Variants in RAB11FIP4 observed in about 807,000 individuals in gnomAD.
RAB11FIP4 encodes the protein rab11 family-interacting protein 4.
In RAB11FIP4, 23 loss-of-function variants were observed where a neutral mutation model predicts 74.3. That is an observed-to-expected ratio of 0.31 (90% CI 0.22 to 0.44). The LOEUF is 0.44. RAB11FIP4 is among the 20% of genes least tolerant of loss of function. The pLI is 1.00. For synonymous variants in RAB11FIP4, 360 were observed against 359.9 expected, an observed-to-expected ratio of 1.00 and a Z score of 0.00; for missense variants, 630 against 863.9, an observed-to-expected ratio of 0.73 and a Z score of 3.39.
intron 3 of RAB11FIP4, among the ~76,000 whole-genome samples, chr17:31,513,403 G>A (rs2142797469): frequency 6.6e-6 from 1 of 152,356 alleles, no homozygotes; most frequent in East Asian, 1.9e-4. Flanking sequence ...GGCTCAAGGA[G>A]AGAGAAGAGG....
At chr17:31,406,243 T>C (rs1263595374) in intron 1 of RAB11FIP4, among the ~76,000 whole-genome samples, 1 of 152,222 alleles carries the variant, frequency 6.6e-6, no homozygotes, top group Non-Finnish European at 1.5e-5. Flanking sequence ...CCTCCCTCAG[T>C]ACCACTGACT....
intron 3 of RAB11FIP4, among the ~76,000 whole-genome samples, chr17:31,513,550 G>A (rs2072491662): frequency 6.6e-6 from 1 of 152,146 alleles, no homozygotes; most frequent in Non-Finnish European, 1.5e-5. Context: ...GAGGAGCAAG[G>A]GTGACCATGG....
chr17:31,504,511 G>T (rs1172959434), intron 3 of RAB11FIP4, among the ~76,000 whole-genome samples: 1 of 152,070 alleles, frequency 6.6e-6, no homozygotes, highest in African/African-American at 2.4e-5. Context: ...CATGATAAGC[G>T]CTCGCCTCGG....
Position 31,517,788 on chromosome 17 carries a change from C to A in RAB11FIP4, c.474C>A (p.Pro158=), listed in dbSNP as rs758842059. 5.1e-6 allele frequency: 8 copies of A among 1,558,592 alleles called. No homozygotes were observed. The highest frequency in any genetic ancestry group is 7.0e-6 in the Non-Finnish European group (8 of 1,150,622). The change falls in exon 4 of 15, where the codon CCC becomes CCA. Residue 158 remains proline, a synonymous_variant. Transcript: ENST00000621161. ...EGPQELYTDS[P]MESTQSLEGS... ...CCCAGGAGTTGTACACAGACAGCCC[C>A]ATGGAGAGCACTCAGAGCCTGGAGG...
intron 3 of RAB11FIP4, among the ~76,000 whole-genome samples, chr17:31,506,262 T>G (rs1445333084): frequency 6.6e-6 from 1 of 152,242 alleles, no homozygotes; most frequent in Admixed American, 6.5e-5. Context: ...CTTTAAGTTT[T>G]TAATTGACAT....
At chr17:31,494,349 C>T (rs2072072856) in intron 3 of RAB11FIP4, among the ~76,000 whole-genome samples, 1 of 151,952 alleles carries the variant, frequency 6.6e-6, no homozygotes, top group Non-Finnish European at 1.5e-5. Context: ...GAGGCTAGTA[C>T]CTCCCTCACA....
chr17:31,440,635 G>A (rs1333547888), intron 3 of RAB11FIP4, among the ~76,000 whole-genome samples: 2 of 152,120 alleles, frequency 1.3e-5, no homozygotes, highest in Non-Finnish European at 2.9e-5. Context: ...CAGGCATGGT[G>A]GCACATGTCT....
chr17:31,403,502 T>C lies in RAB11FIP4; in HGVS notation c.159+11491T>C, dbSNP rs935082516. 2.6e-5 allele frequency among the ~76,000 whole-genome samples: 4 copies of C among 152,028 alleles called. No individual in the cohort carries two copies. The East Asian group carries it at 7.7e-4, about 29-fold the overall frequency. ...CACACCCAGCTAATTTTTTGTATTT[T>C]TAGTAGAAACGGGGTTTCACCATGT... On this transcript the variant is annotated intron_variant, in intron 1 of 14. Transcript: ENST00000621161.
intron 4 of RAB11FIP4, among the ~76,000 whole-genome samples, chr17:31,520,427 AG>A (rs1435905429): frequency 2.6e-5 from 4 of 152,338 alleles, no homozygotes; most frequent in South Asian, 2.1e-4. Context: ...TTAAAGTGAA[AG>A]CAAGTTTATT....
intron 1 of RAB11FIP4, among the ~76,000 whole-genome samples, chr17:31,420,271 C>G (rs183681035): frequency 6.6e-6 from 1 of 152,240 alleles, no homozygotes; most frequent in East Asian, 1.9e-4. Flanking sequence ...CACTCTGTCA[C>G]CCAGGCTAGA....
intron 13 of RAB11FIP4, among the ~76,000 whole-genome samples, chr17:31,529,659 T>C (rs2072832179): frequency 6.6e-6 from 1 of 152,076 alleles, no homozygotes; most frequent in Non-Finnish European, 1.5e-5. Flanking sequence ...TGGTGCTGGG[T>C]GAAGTGTCAG....
At chr17:31,527,633 T>C (rs2072789965) in intron 10 of RAB11FIP4, 2 of 55,050 alleles carry the variant, frequency 3.6e-5, no homozygotes, top group Non-Finnish European at 5.8e-5. Context: ...AATTTACTAT[T>C]TTGCTTACAA....
chr17:31,510,744 C>T (rs2072437327), intron 3 of RAB11FIP4, among the ~76,000 whole-genome samples: 1 of 152,152 alleles, frequency 6.6e-6, no homozygotes, highest in Non-Finnish European at 1.5e-5. Flanking sequence ...CAAAAAAACC[C>T]AGCCGAGCTG....
Position 31,531,433 on chromosome 17 carries a change from C to T in RAB11FIP4, c.1798-183C>T, listed in dbSNP as rs1022438068. Among the ~76,000 whole-genome samples, 37 of 152,328 alleles carry T rather than the reference C, an allele frequency of 2.4e-4. 1 individual carries two copies. Among genetic ancestry groups the T allele is most frequent in the Middle Eastern group, 3.4e-3 (1 of 294 alleles). On this transcript the variant is annotated intron_variant, in intron 14 of 14. Transcript: ENST00000621161. ...GCACCTGCATAGGTAATACTAGGGG[C>T]TGAGCCACTTCGACTCTGGTCCTGG...
At chr17:31,459,919 G>T (rs910156084) in intron 3 of RAB11FIP4, among the ~76,000 whole-genome samples, 12 of 152,116 alleles carry the variant, frequency 7.9e-5, no homozygotes, top group African/African-American at 2.9e-4. Flanking sequence ...CCTGGGACTG[G>T]CTCAGGACAG....
chr17:31,468,658 A>G (rs2071709078), intron 3 of RAB11FIP4, among the ~76,000 whole-genome samples: 1 of 151,948 alleles, frequency 6.6e-6, no homozygotes, highest in East Asian at 1.9e-4. Context: ...GTGAAACCCC[A>G]TCTCTACTAA....
chr17:31,506,238 T>C (rs2072346895), intron 3 of RAB11FIP4, among the ~76,000 whole-genome samples: 1 of 152,262 alleles, frequency 6.6e-6, no homozygotes, highest in South Asian at 2.1e-4. Context: ...GGTAGAGTTT[T>C]AATCCTACAT....
intron 1 of RAB11FIP4, among the ~76,000 whole-genome samples, chr17:31,409,197 G>A (rs746898769): frequency 6.6e-6 from 1 of 152,148 alleles, no homozygotes; most frequent in Non-Finnish European, 1.5e-5. Flanking sequence ...TTACAGTGGA[G>A]AGACAGTAGC....
chr17:31,517,951 G>T, intron 4 of RAB11FIP4, 74 bp downstream of exon 4: 6 of 1,242,366 alleles, frequency 4.8e-6, no homozygotes, highest in Non-Finnish European at 6.8e-6. Flanking sequence ...AGTGTCTCCA[G>T]GAAGTAAATT....
Sources: allele counts gnomAD v4.1 joint callset (sites outside exome capture counted in the v4.1 genomes callset), GRCh38; gene constraint gnomAD v4.1.1; transcripts MANE v1.5; gene names NCBI Gene and HGNC (gene_info 2026-07-23, HGNC 2026-07-21).